The following MYT1L variants were observed in gnomAD, a reference collection of about 807,000 sequenced individuals.
MYT1L encodes the protein myelin transcription factor 1-like protein.
In MYT1L, 12 loss-of-function variants were observed where a neutral mutation model predicts 126.7. The observed-to-expected ratio is 0.09, with a 90% CI of 0.06 to 0.15. MYT1L has a LOEUF of 0.15. MYT1L is among the 10% of genes least tolerant of loss of function. The pLI is 1.00. For synonymous variants in MYT1L, 541 were observed against 604.2 expected (o/e 0.90, Z 1.53); for missense variants, 979 against 1,585.2 (o/e 0.62, Z 6.49).
At chr2:1,933,083 C>T (rs1332023795) in intron 9 of MYT1L, among the ~76,000 whole-genome samples, 1 of 152,070 alleles carries the variant, frequency 6.6e-6, no homozygotes, top group African/African-American at 2.4e-5. Context: ...TCTCATCATC[C>T]TGTGGATGAA....
chr2:2,040,395 T>C (rs969040314), intron 4 of MYT1L, among the ~76,000 whole-genome samples: 1 of 152,214 alleles, frequency 6.6e-6, no homozygotes, highest in East Asian at 1.9e-4. Flanking sequence ...TCCATGCAGA[T>C]TAATCTTTAA....
intron 4 of MYT1L, among the ~76,000 whole-genome samples, chr2:2,037,804 CAA>C (rs527384744): frequency 7.1e-6 from 1 of 139,928 alleles, no homozygotes; most frequent in Non-Finnish European, 1.6e-5. Flanking sequence ...AACAAAAAAA[CAA>C]AAAAAAAACC....
intron 3 of MYT1L, among the ~76,000 whole-genome samples, chr2:2,151,415 C>G (rs565247475): frequency 6.6e-6 from 1 of 152,192 alleles, no homozygotes; most frequent in African/African-American, 2.4e-5. Flanking sequence ...ACCGAGAGTA[C>G]TTTCAGGACT....
chr2:1,804,632 C>A (rs1485460915), intron 22 of MYT1L, among the ~76,000 whole-genome samples: 1 of 152,208 alleles, frequency 6.6e-6, no homozygotes, highest in East Asian at 1.9e-4. Flanking sequence ...TGATTTACTT[C>A]AGGATCCTGG....
At chr2:2,280,031 C>A (rs2095425967) in intron 2 of MYT1L, among the ~76,000 whole-genome samples, 1 of 152,112 alleles carries the variant, frequency 6.6e-6, no homozygotes, top group South Asian at 2.1e-4. Context: ...GTAGTAAAAA[C>A]ATGTATCAGA....
chr2:1,815,222 C>T (rs893416394), intron 21 of MYT1L, among the ~76,000 whole-genome samples: 1 of 152,156 alleles, frequency 6.6e-6, no homozygotes, highest in Non-Finnish European at 1.5e-5. Context: ...GGTTGAGAGC[C>T]CGAGGTGAGG....
intron 21 of MYT1L, among the ~76,000 whole-genome samples, chr2:1,834,612 G>A (rs2040586115): frequency 6.6e-6 from 1 of 152,222 alleles, no homozygotes; most frequent in East Asian, 1.9e-4. Flanking sequence ...ACTTATAGGA[G>A]GTCCCTAGAA....
At position 1,840,252 on chromosome 2, in the gene MYT1L, G is replaced by A. The variant is rs140127673; in HGVS notation, c.2858+508C>T. ...TTTTTGGGGCCCAGGCATGGCTGGC[G>A]TGGGATGGGGACAAACACCCCCTTG... On this transcript the variant is annotated intron_variant, in intron 20 of 24. Coordinates refer to ENST00000647738, the MANE Select transcript of MYT1L (RefSeq NM_001303052.2). 7.7e-4 allele frequency among the ~76,000 whole-genome samples: 118 copies of A among 152,260 alleles called. No individual in the cohort carries two copies. The East Asian group carries it at 0.012, about 16-fold the overall frequency.
intron 2 of MYT1L, among the ~76,000 whole-genome samples, chr2:2,186,883 T>C (rs1173304414): frequency 6.6e-6 from 1 of 152,238 alleles, no homozygotes; most frequent in Non-Finnish European, 1.5e-5. Context: ...CCTTGGTCTT[T>C]ATTGGCACTG....
chr2:1,958,726 CCTT>C (rs990756926), intron 8 of MYT1L, among the ~76,000 whole-genome samples: 22 of 151,904 alleles, frequency 1.4e-4, no homozygotes, highest in Admixed American at 6.6e-4. Context: ...TGCAGAGGCC[CCTT>C]CTTCTAGGAT....
At chr2:1,946,139 T>A (rs1158879671) in intron 8 of MYT1L, among the ~76,000 whole-genome samples, 2 of 151,958 alleles carry the variant, frequency 1.3e-5, no homozygotes, top group African/African-American at 4.8e-5. Flanking sequence ...TACTGAGAAC[T>A]GAGAACTGTG....
chr2:2,238,676 C>T (rs767577556), intron 2 of MYT1L, among the ~76,000 whole-genome samples: 5 of 152,178 alleles, frequency 3.3e-5, no homozygotes, highest in African/African-American at 9.7e-5. Context: ...TTACAATCTC[C>T]GTGTAGGAGC....
intron 1 of MYT1L, chr2:2,303,855 A>G (rs1392769449): frequency 6.6e-6 from 1 of 152,226 alleles, no homozygotes; most frequent in Admixed American, 6.5e-5. Context: ...ACATTCAAGG[A>G]AGAATCTTCC....
chr2:2,101,978 T>C (rs2150485898), intron 3 of MYT1L, among the ~76,000 whole-genome samples: 1 of 152,362 alleles, frequency 6.6e-6, no homozygotes, highest in African/African-American at 2.4e-5. Flanking sequence ...CAGTGGTTTC[T>C]GATTGCCGAA....
intron 21 of MYT1L, among the ~76,000 whole-genome samples, chr2:1,826,361 G>T (rs2039334267): frequency 6.6e-6 from 1 of 152,214 alleles, no homozygotes; most frequent in South Asian, 2.1e-4. Flanking sequence ...CAGGTCCTGG[G>T]GAGGGCTGGG....
intron 2 of MYT1L, among the ~76,000 whole-genome samples, chr2:2,278,252 AG>A (rs1284264575): frequency 1.3e-5 from 2 of 152,226 alleles, no homozygotes; most frequent in African/African-American, 4.8e-5. Flanking sequence ...CAAGAGGTCC[AG>A]GCTACTATTA....
chr2:2,009,706 C>A (rs867738861), intron 4 of MYT1L, among the ~76,000 whole-genome samples: 1 of 152,084 alleles, frequency 6.6e-6, no homozygotes, highest in Admixed American at 6.5e-5. Flanking sequence ...TATTTCATTT[C>A]TTGTCTGACT....
intron 4 of MYT1L, among the ~76,000 whole-genome samples, chr2:2,002,658 A>G (rs1472930212): frequency 1.3e-5 from 2 of 152,146 alleles, no homozygotes; most frequent in Non-Finnish European, 2.9e-5. Context: ...ATTCAACATG[A>G]TACTTTAGCC....
rs1255863409 is a variant in MYT1L, at chr2:1,793,232, T to G, written c.3277-768A>C. The stretch of plus-strand genomic sequence containing the variant: ...CCACCACGGACCCTTCCTCGCATAT[T>G]CCAGAGATAATTTAAGTATCACCAA... On this transcript the variant is annotated intron_variant, in intron 23 of 24. Transcript: ENST00000647738. This position sits in a 1 kb window ranked among gnomAD's most constrained non-coding sequence, Gnocchi z 4.6. Among the ~76,000 whole-genome samples the G allele has an allele frequency of 6.6e-6, 1 of 152,180 alleles. No individual in the cohort carries two copies. Among genetic ancestry groups the G allele is most frequent in the African/African-American group, 2.4e-5 (1 of 41,442 alleles).
Sources: allele counts gnomAD v4.1 joint callset (sites outside exome capture counted in the v4.1 genomes callset), GRCh38; gene constraint gnomAD v4.1.1; non-coding constraint Gnocchi (gnomAD v3.1); transcripts MANE v1.5; gene names NCBI Gene and HGNC (gene_info 2026-07-23, HGNC 2026-07-21).